Variants in CNTLN observed in about 807,000 individuals in gnomAD.
CNTLN encodes centlein, also known as centlein, centrosomal protein.
CNTLN carries 212 observed loss-of-function variants against 180.0 expected under a neutral mutation model. That is an observed-to-expected ratio of 1.18 (90% CI 1.05 to 1.32). The LOEUF (loss-of-function observed/expected upper bound fraction) is 1.32. Ranked by LOEUF, CNTLN falls within the 40% of genes most tolerant of loss-of-function variation. The probability of loss-of-function intolerance (pLI) is 0.00; values close to 1 mark genes in which losing one functional copy is unlikely to be tolerated. For synonymous variants in CNTLN, 722 were observed against 563.1 expected (o/e 1.28, Z -3.99); for missense variants, 2,095 against 1,610.9 (o/e 1.30, Z -5.14).
At chr9:17,279,583 T>C (rs1302326486) in intron 6 of CNTLN, among the ~76,000 whole-genome samples, 1 of 152,082 alleles carries the variant, frequency 6.6e-6, no homozygotes, top group Non-Finnish European at 1.5e-5. Context: ...AAAGCAAATG[T>C]AATGTGAAGA....
intron 18 of CNTLN, among the ~76,000 whole-genome samples, chr9:17,445,563 T>A (rs867904935): frequency 1.3e-4 from 20 of 152,194 alleles, no homozygotes; most frequent in African/African-American, 4.6e-4. Flanking sequence ...CGGTGCAAGA[T>A]GTGCTTTGTT....
chr9:17,219,549 G>T (rs1439925703), intron 2 of CNTLN, among the ~76,000 whole-genome samples: 1 of 151,680 alleles, frequency 6.6e-6, no homozygotes, highest in Non-Finnish European at 1.5e-5. Flanking sequence ...GGAGGTTTTT[G>T]GTTATAAGAT....
intron 18 of CNTLN, among the ~76,000 whole-genome samples, chr9:17,432,833 A>G (rs538103348): frequency 6.6e-6 from 1 of 152,204 alleles, no homozygotes; most frequent in African/African-American, 2.4e-5. Flanking sequence ...CAGCCTGACC[A>G]ACATAGCAAA....
At chr9:17,364,612 T>G (rs1295896438) in intron 12 of CNTLN, among the ~76,000 whole-genome samples, 1 of 152,224 alleles carries the variant, frequency 6.6e-6, no homozygotes, top group Non-Finnish European at 1.5e-5. Context: ...TTGTTTTACA[T>G]TATCCCATTT....
At chr9:17,383,538 TA>T (rs984074939) in intron 13 of CNTLN, among the ~76,000 whole-genome samples, 10 of 151,842 alleles carry the variant, frequency 6.6e-5, no homozygotes, top group African/African-American at 2.4e-4. Flanking sequence ...ATTTTAAAAT[TA>T]AAAAAATTAT....
In CNTLN at chr9:17,143,357, G is replaced by T; in HGVS notation, c.430G>T (p.Val144Phe). The T allele has an allele frequency of 6.2e-7, 1 of 1,613,568 alleles. No individual in the cohort carries two copies. The highest frequency in any genetic ancestry group is 8.5e-7 in the Non-Finnish European group (1 of 1,179,648). Residue 144 changes from valine to phenylalanine, a missense_variant, in exon 2 of 26, where the codon GTC becomes TTC. Physicochemically the swap from Val to Phe is conservative, Grantham distance 50. Transcript: ENST00000380647. Reference protein sequence around the residue: ...QVTNPDLTQVVSLVVEREKQK... With the variant: ...QVTNPDLTQVFSLVVEREKQK... ...TACAAACCCAGATCTCACACAAGTGGTCAGTTTGGTTGTGGAAAGGTGAGC... is the reference window on the plus strand; with the variant it reads ...TACAAACCCAGATCTCACACAAGTGTTCAGTTTGGTTGTGGAAAGGTGAGC...
At chr9:17,426,648 A>ATCTT (rs1829101886) in intron 18 of CNTLN, among the ~76,000 whole-genome samples, 1 of 151,832 alleles carries the variant, frequency 6.6e-6, no homozygotes, top group African/African-American at 2.4e-5. Context: ...CTTCTTTTGT[A>ATCTT]TCTTTAATCA....
intron 2 of CNTLN, among the ~76,000 whole-genome samples, chr9:17,144,301 A>T (rs1302775338): frequency 6.6e-6 from 1 of 152,166 alleles, no homozygotes; most frequent in East Asian, 1.9e-4. Flanking sequence ...TTGTACGTCT[A>T]ATTCATCAAT....
chr9:17,307,249 C>T (rs1049542099), intron 7 of CNTLN, among the ~76,000 whole-genome samples: 1 of 151,668 alleles, frequency 6.6e-6, no homozygotes, highest in African/African-American at 2.4e-5. Context: ...TTTTAAATAT[C>T]TCCACAATAA....
chr9:17,330,244 C>T (rs112341081), intron 8 of CNTLN, among the ~76,000 whole-genome samples: 8 of 151,992 alleles, frequency 5.3e-5, no homozygotes, highest in African/African-American at 1.7e-4. Context: ...GGTTTATATT[C>T]TATGGTATTG....
chr9:17,449,788 C>T (rs545164794), intron 18 of CNTLN, among the ~76,000 whole-genome samples: 1 of 152,330 alleles, frequency 6.6e-6, no homozygotes, highest in Admixed American at 6.5e-5. Flanking sequence ...TTGAAAGACA[C>T]TACCTTGCTA....
intron 12 of CNTLN, among the ~76,000 whole-genome samples, chr9:17,361,908 C>T (rs1162454985): frequency 1.3e-5 from 2 of 152,166 alleles, no homozygotes; most frequent in African/African-American, 4.8e-5. Flanking sequence ...GTATAAGAAA[C>T]ACCAGTGTAA....
chr9:17,164,236 C>G (rs1050831651), intron 2 of CNTLN, among the ~76,000 whole-genome samples: 1 of 147,748 alleles, frequency 6.8e-6, no homozygotes, highest in Non-Finnish European at 1.5e-5. Context: ...CACTTGAACC[C>G]GAAAGGCAGA....
At chr9:17,414,565 T>G (rs1160131164) in intron 16 of CNTLN, among the ~76,000 whole-genome samples, 3 of 152,176 alleles carry the variant, frequency 2.0e-5, no homozygotes, top group Non-Finnish European at 4.4e-5. Flanking sequence ...TAAGCTTAAA[T>G]GAAGCATTTC....
At chr9:17,380,420 G>C (rs1374752132) in intron 13 of CNTLN, among the ~76,000 whole-genome samples, 1 of 152,202 alleles carries the variant, frequency 6.6e-6, no homozygotes, top group African/African-American at 2.4e-5. Context: ...TGAGACACCT[G>C]TGGTAGAGAT....
chr9:17,506,571 T>A (rs1188383289), downstream of CNTLN, among the ~76,000 whole-genome samples: 1 of 152,198 alleles, frequency 6.6e-6, no homozygotes, highest in Non-Finnish European at 1.5e-5. Flanking sequence ...CTTACTCATC[T>A]ACTGACAGCT....
chr9:17,408,119 A>G (rs1315873214), intron 15 of CNTLN, among the ~76,000 whole-genome samples: 1 of 94,606 alleles, frequency 1.1e-5, no homozygotes, highest in Non-Finnish European at 2.0e-5. Context: ...ACAGAGTGAG[A>G]CTCTGTCTCA....
chr9:17,213,972 G>A (rs1823531995), intron 2 of CNTLN, among the ~76,000 whole-genome samples: 2 of 152,058 alleles, frequency 1.3e-5, no homozygotes, highest in South Asian at 4.2e-4. Flanking sequence ...TGGGTCTTCT[G>A]AATACAGCAC....
intron 25 of CNTLN, among the ~76,000 whole-genome samples, chr9:17,492,774 A>G (rs1457208060): frequency 6.6e-6 from 1 of 152,180 alleles, no homozygotes; most frequent in African/African-American, 2.4e-5. Flanking sequence ...ACTCAAACAG[A>G]TATTTGTACA....
Sources: gnomAD v4.1 joint callset for allele counts (sites outside exome capture counted in the v4.1 genomes callset) on GRCh38, gnomAD v4.1.1 for gene constraint, MANE v1.5 for transcripts, NCBI Gene and HGNC (gene_info 2026-07-23, HGNC 2026-07-21) for gene names.